Variants in PTK7 observed in about 807,000 individuals in gnomAD.
The protein encoded by PTK7 is protein tyrosine kinase 7 (inactive).
A neutral mutation model predicts 116.6 loss-of-function variants in PTK7; 39 were observed. The ratio of observed to expected loss-of-function variants is 0.33; its 90% CI spans 0.26 to 0.44. The LOEUF (loss-of-function observed/expected upper bound fraction) is 0.44, where lower values mean the gene tolerates loss of function less well. Ranked by LOEUF, PTK7 falls within the 20% of genes least tolerant of loss-of-function variation. The pLI is 1.00. For missense variants in PTK7, 1,169 were observed against 1,425.6 expected (o/e 0.82, Z 2.90); for synonymous variants, 546 against 563.6 (o/e 0.97, Z 0.44).
intron 13 of PTK7, chr6:43,142,543 C>T: frequency 1.6e-6 from 1 of 642,738 alleles, no homozygotes; most frequent in Non-Finnish European, 2.8e-6. Context: ...GGGGGGTGTT[C>T]TCTTCCTACA....
intron 17 of PTK7, among the ~76,000 whole-genome samples, chr6:43,152,933 G>A (rs181326654): frequency 1.3e-4 from 20 of 151,056 alleles, no homozygotes; most frequent in East Asian, 7.9e-4. Context: ...TTACAGGTGC[G>A]TGCCACCACA....
intron 1 of PTK7, among the ~76,000 whole-genome samples, chr6:43,111,079 A>G (rs989718347): frequency 6.6e-6 from 1 of 152,200 alleles, no homozygotes; most frequent in African/African-American, 2.4e-5. Context: ...ATTTTGGTTC[A>G]TGCTGAAGGT....
chr6:43,109,526 A>G (rs908985487), intron 1 of PTK7, among the ~76,000 whole-genome samples: 3 of 152,098 alleles, frequency 2.0e-5, no homozygotes, highest in Non-Finnish European at 4.4e-5. Flanking sequence ...ATATTACCAA[A>G]CATTTTCCAG....
At position 43,129,664 on chromosome 6, in the gene PTK7, G is replaced by A. The variant is rs2150428757; in HGVS notation, c.368-63G>A. 7.1e-7 allele frequency: 1 copy of A among 1,409,704 alleles called. No homozygotes were observed. The highest frequency in any genetic ancestry group is 1.7e-5 in the Admixed American group (1 of 59,392). 87.3% of individuals were successfully genotyped at this position (1,409,704 alleles called of 1,614,324 possible). ...CCACGGCTTCCTGCTTGTCCTCCTT[G>A]CCCTCTGCCTTCCCGCCTTTGCCCT... is the stretch of plus-strand genomic sequence containing the variant. On this transcript the variant is annotated intron_variant, in intron 2 of 19. Coordinates refer to ENST00000230419, the MANE Select transcript of PTK7 (RefSeq NM_002821.5). The surrounding 1 kb of genome is among the most constrained non-coding windows in gnomAD (Gnocchi z 4.5).
chr6:43,143,822 T>C lies in PTK7; in HGVS notation c.2251+202T>C, dbSNP rs1770569725. Among the ~76,000 whole-genome samples the C allele has an allele frequency of 6.6e-6, 1 of 152,242 alleles. No individual in the cohort carries two copies. The highest frequency in any genetic ancestry group is 2.4e-5 in the African/African-American group (1 of 41,464). On this transcript the variant is annotated intron_variant, in intron 14 of 19. Transcript: ENST00000230419. The surrounding 1 kb of genome is among the most constrained non-coding windows in gnomAD (Gnocchi z 4.2). ...TCTGAGCAACCTGGCTTGAGACTTC[T>C]TCATTGGAGCCCCTTGGACCAGCTT...
chr6:43,123,519 C>T (rs1288010575), intron 1 of PTK7, among the ~76,000 whole-genome samples: 1 of 151,028 alleles, frequency 6.6e-6, no homozygotes, highest in Admixed American at 6.6e-5. Context: ...TGTGTGTATA[C>T]ACGCACACAT....
rs936714429 is a variant in PTK7 at position 43,128,132 on chromosome 6, C to A, written c.80-845C>A. On this transcript the variant is annotated intron_variant, in intron 1 of 19. Transcript: ENST00000230419. ...CTCTGATGCTGGCACCGTCGAGGGG[C>A]ATGAGTGAAGCCATCTTTCCAGGGT... Among the ~76,000 whole-genome samples the A allele has an allele frequency of 1.1e-4, 17 of 152,292 alleles. No individual in the cohort carries two copies. In the South Asian group the frequency reaches 1.2e-3, roughly 11 times the overall value.
At chr6:43,087,560 G>A (rs1027959486) in intron 1 of PTK7, among the ~76,000 whole-genome samples, 6 of 152,158 alleles carry the variant, frequency 3.9e-5, no homozygotes, top group African/African-American at 1.4e-4. Flanking sequence ...CATACCTCTT[G>A]AGCCTGAGGA....
chr6:43,157,364 ATT>A (rs1293389236), intron 17 of PTK7, among the ~76,000 whole-genome samples: 6 of 54,366 alleles, frequency 1.1e-4, no homozygotes, highest in Admixed American at 2.4e-4. Context: ...ATATATATAT[ATT>A]TTTTTTTTTC....
At chr6:43,123,254 C>T (rs562974122) in intron 1 of PTK7, among the ~76,000 whole-genome samples, 9 of 152,236 alleles carry the variant, frequency 5.9e-5, no homozygotes, top group African/African-American at 1.9e-4. Flanking sequence ...TGCGCCTGGC[C>T]GGATGGAATT....
chr6:43,118,184 G>A (rs1482962221), intron 1 of PTK7, among the ~76,000 whole-genome samples: 1 of 148,778 alleles, frequency 6.7e-6, no homozygotes, highest in East Asian at 2.0e-4. Flanking sequence ...TATGGCCCCT[G>A]AGCACTGGAA....
intron 1 of PTK7, among the ~76,000 whole-genome samples, chr6:43,109,006 T>C (rs1768048367): frequency 6.6e-6 from 1 of 152,204 alleles, no homozygotes; most frequent in Non-Finnish European, 1.5e-5. Context: ...ATTTTCAAAA[T>C]AATGAGTTGG....
In PTK7 at chr6:43,142,986, C is replaced by T. The variant is rs149394644; in HGVS notation, c.2048-431C>T. The T allele has an allele frequency of 3.1e-3, 534 of 174,432 alleles. 1 individual carries two copies. The highest frequency in any genetic ancestry group is 0.011 in the African/African-American group (478 of 41,814). 10.8% of individuals were successfully genotyped at this position (174,432 alleles called of 1,614,324 possible). On this transcript the variant is annotated intron_variant, in intron 13 of 19. Coordinates refer to ENST00000230419, the MANE Select transcript of PTK7 (RefSeq NM_002821.5). ...TGTGGGCCATTAAAAGGCCCCTAGA[C>T]CAGCAGATCCCTTCTACAGATCTGC... is the stretch of plus-strand genomic sequence containing the variant.
At chr6:43,106,650 C>CTTTTTT (rs11312929) in intron 1 of PTK7, among the ~76,000 whole-genome samples, 2 of 98,586 alleles carry the variant, frequency 2.0e-5, no homozygotes, top group Admixed American at 1.3e-4. Context: ...TCCTCCCTGC[C>CTTTTTT]TTTTTTTTTT....
chr6:43,106,054 C>T (rs1358207672), intron 1 of PTK7, among the ~76,000 whole-genome samples: 1 of 152,150 alleles, frequency 6.6e-6, no homozygotes, highest in Non-Finnish European at 1.5e-5. Context: ...CTAGCAACCA[C>T]CTCCTTGGAA....
Position 43,130,257 on chromosome 6 carries a change from G to T in PTK7, c.498G>T (p.Gly166=), listed in dbSNP as rs138097201. The change falls in exon 4 of 20, where the codon GGG becomes GGT. Residue 166 remains glycine, a synonymous_variant. Transcript: ENST00000230419. ...PRPTYQWFRD[G]TPLSDGQSNH... Reference sequence around the variant, plus strand: ...CCACCTACCAATGGTTCCGAGATGGGACCCCCCTTTCTGATGGTCAGAGCA... The same window carrying T: ...CCACCTACCAATGGTTCCGAGATGGTACCCCCCTTTCTGATGGTCAGAGCA... 4 of 1,597,450 alleles carry T rather than the reference G, an allele frequency of 2.5e-6. No homozygotes were observed. The highest frequency in any genetic ancestry group is 3.4e-6 in the Non-Finnish European group (4 of 1,168,826).
chr6:43,118,273 A>G (rs944063529), intron 1 of PTK7, among the ~76,000 whole-genome samples: 2 of 152,050 alleles, frequency 1.3e-5, no homozygotes, highest in Non-Finnish European at 2.9e-5. Flanking sequence ...GCGTTGGCTC[A>G]TGCCTGTAAT....
rs535239530 is a variant in PTK7, at chr6:43,135,206, G to C, written c.1228+2519G>C. ...TTGCTGTGCTCTGAGAAGGAGGCCT[G>C]TGGCATTTGAGAGTGTGTGATGCAA... On this transcript the variant is annotated intron_variant, in intron 7 of 19. Coordinates refer to ENST00000230419, the MANE Select transcript of PTK7 (RefSeq NM_002821.5). Among the ~76,000 whole-genome samples the C allele has an allele frequency of 6.6e-5, 10 of 152,328 alleles. No homozygotes were observed. In the East Asian group the frequency reaches 1.9e-3, roughly 29 times the overall value.
intron 1 of PTK7, among the ~76,000 whole-genome samples, chr6:43,101,807 TA>T (rs1374469383): frequency 2.0e-5 from 3 of 152,152 alleles, no homozygotes; most frequent in Non-Finnish European, 4.4e-5. Context: ...AAATTAAATC[TA>T]ACACTATGAT....
Sources: allele counts gnomAD v4.1 joint callset (sites outside exome capture counted in the v4.1 genomes callset), GRCh38; gene constraint gnomAD v4.1.1; non-coding constraint Gnocchi (gnomAD v3.1); transcripts MANE v1.5; gene names NCBI Gene and HGNC (gene_info 2026-07-23, HGNC 2026-07-21).